Variants in LUZP2 observed in about 807,000 individuals in gnomAD.
The protein encoded by LUZP2 is leucine zipper protein 2.
LUZP2 carries 52 observed loss-of-function variants against 51.6 expected under a neutral mutation model. The ratio of observed to expected loss-of-function variants is 1.01; its 90% CI spans 0.81 to 1.27. LUZP2 has a LOEUF of 1.27. Ranked by LOEUF, LUZP2 falls within the 50% of genes most tolerant of loss-of-function variation. The pLI, the probability that LUZP2 is intolerant of heterozygous loss-of-function variation, is 0.00. For missense variants in LUZP2, 436 were observed against 395.4 expected (o/e 1.10, Z -0.87); for synonymous variants, 154 against 137.3 (o/e 1.12, Z -0.85).
chr11:24,676,347 C>T (rs964320380), intron 1 of LUZP2, among the ~76,000 whole-genome samples: 4 of 152,050 alleles, frequency 2.6e-5, no homozygotes, highest in African/African-American at 4.8e-5. Flanking sequence ...AATATATACA[C>T]GGTTAATTGA....
At chr11:24,733,086 A>G (rs1047251791) in intron 3 of LUZP2, among the ~76,000 whole-genome samples, 22 of 151,932 alleles carry the variant, frequency 1.4e-4, no homozygotes, top group East Asian at 1.9e-4. Flanking sequence ...TCATCAGCCT[A>G]TATGTCCTCC....
At chr11:24,678,902 T>A (rs1481293938) in intron 1 of LUZP2, among the ~76,000 whole-genome samples, 1 of 152,230 alleles carries the variant, frequency 6.6e-6, no homozygotes, top group Non-Finnish European at 1.5e-5. Flanking sequence ...AAATAAGATA[T>A]AGTGCTGCGT....
At position 24,601,990 on chromosome 11, in the gene LUZP2, GTA is replaced by G. The variant is rs1373750200; in HGVS notation, c.62+104691_62+104692del. Among the ~76,000 whole-genome samples the G allele has an allele frequency of 5.1e-4, 71 of 138,318 alleles. 15 individuals are homozygous for G. Among genetic ancestry groups the G allele is most frequent in the Middle Eastern group, 4.4e-3 (1 of 226 alleles). 90.7% of individuals were successfully genotyped at this position (138,318 alleles called of 152,430 possible). ...TATATGTGTATATGTATATATATGT[GTA>G]TATATGTATATATATGTATATATGT... is the stretch of plus-strand genomic sequence containing the variant. On this transcript the variant is annotated intron_variant, in intron 1 of 11. Transcript: ENST00000336930.
intron 1 of LUZP2, among the ~76,000 whole-genome samples, chr11:24,689,310 C>G (rs559466165): frequency 6.6e-6 from 1 of 152,274 alleles, no homozygotes; most frequent in East Asian, 1.9e-4. Flanking sequence ...ACAGCATGCA[C>G]AGTGTATTTA....
chr11:24,641,883 T>A (rs916616676), intron 1 of LUZP2, among the ~76,000 whole-genome samples: 2 of 151,930 alleles, frequency 1.3e-5, no homozygotes, highest in African/African-American at 4.9e-5. Context: ...AGTTTTATAA[T>A]CAAATAGAAG....
intron 6 of LUZP2, among the ~76,000 whole-genome samples, chr11:24,912,366 T>A (rs1853660751): frequency 6.6e-6 from 1 of 152,164 alleles, no homozygotes; most frequent in African/African-American, 2.4e-5. Context: ...GTGTTTCCAA[T>A]ATTAGAACCT....
chr11:24,554,467 A>G (rs1851808588), intron 1 of LUZP2, among the ~76,000 whole-genome samples: 1 of 152,112 alleles, frequency 6.6e-6, no homozygotes, highest in East Asian at 1.9e-4. Context: ...TTTAGATTTT[A>G]TAACATAATT....
intron 9 of LUZP2, among the ~76,000 whole-genome samples, chr11:24,999,179 A>G (rs1388163667): frequency 1.3e-5 from 2 of 152,170 alleles, no homozygotes; most frequent in African/African-American, 2.4e-5. Context: ...TTCACTTTCT[A>G]TAGCCTCCAA....
intron 10 of LUZP2, among the ~76,000 whole-genome samples, chr11:25,062,254 G>A (rs1858861108): frequency 6.6e-6 from 1 of 150,920 alleles, no homozygotes; most frequent in African/African-American, 2.4e-5. Context: ...TACAACAATG[G>A]CCAAACAGAT....
chr11:24,884,876 C>A (rs187079759), intron 5 of LUZP2, among the ~76,000 whole-genome samples: 78 of 152,090 alleles, frequency 5.1e-4, no homozygotes, highest in Admixed American at 1.9e-3. Flanking sequence ...CATAGAAAGT[C>A]TTTATAAATG....
chr11:24,534,870 G>A (rs777197394), intron 1 of LUZP2, among the ~76,000 whole-genome samples: 7 of 151,298 alleles, frequency 4.6e-5, no homozygotes, highest in Non-Finnish European at 1.0e-4. Flanking sequence ...GGCAATGCAG[G>A]TCCTTGGTTG....
At chr11:24,864,752 T>C (rs761126355) in intron 5 of LUZP2, among the ~76,000 whole-genome samples, 2 of 152,216 alleles carry the variant, frequency 1.3e-5, no homozygotes, top group Non-Finnish European at 2.9e-5. Flanking sequence ...GTTATGTGAA[T>C]TGATTTATGC....
At chr11:25,028,956 C>G (rs1049689531) in intron 9 of LUZP2, among the ~76,000 whole-genome samples, 1 of 152,092 alleles carries the variant, frequency 6.6e-6, no homozygotes, top group African/African-American at 2.4e-5. Context: ...CTTAAAAGAT[C>G]ATTAAGTGAA....
At chr11:24,936,643 C>T (rs1036187521) in intron 7 of LUZP2, among the ~76,000 whole-genome samples, 1 of 151,910 alleles carries the variant, frequency 6.6e-6, no homozygotes, top group Non-Finnish European at 1.5e-5. Context: ...GACGCCAGCC[C>T]TCTCTCTGTC....
At chr11:24,798,286 T>G (rs1207835169) in intron 5 of LUZP2, among the ~76,000 whole-genome samples, 1 of 152,032 alleles carries the variant, frequency 6.6e-6, no homozygotes, top group African/African-American at 2.4e-5. Flanking sequence ...GGCAAGATCA[T>G]AGCTCACTAC....
At chr11:25,012,011 G>A (rs959661968) in intron 9 of LUZP2, among the ~76,000 whole-genome samples, 4 of 152,110 alleles carry the variant, frequency 2.6e-5, no homozygotes, top group Non-Finnish European at 5.9e-5. Flanking sequence ...ACAAAAGGCA[G>A]CATTCCCTAC....
intron 7 of LUZP2, among the ~76,000 whole-genome samples, chr11:24,959,527 G>A (rs993312668): frequency 1.2e-4 from 19 of 152,142 alleles, no homozygotes; most frequent in Middle Eastern, 3.4e-3. Flanking sequence ...ATTGTGAATG[G>A]GAGTTCACTC....
At chr11:25,038,983 G>A (rs1361267941) in intron 9 of LUZP2, among the ~76,000 whole-genome samples, 1 of 152,156 alleles carries the variant, frequency 6.6e-6, no homozygotes, top group Non-Finnish European at 1.5e-5. Context: ...TGGTTGATAA[G>A]CTCTTAGCCG....
intron 5 of LUZP2, among the ~76,000 whole-genome samples, chr11:24,825,470 G>A: frequency 6.6e-6 from 1 of 151,890 alleles, no homozygotes; most frequent in East Asian, 1.9e-4. Context: ...ATTTAATCTG[G>A]TCTTCAGTGT....
Sources: gnomAD v4.1 joint callset for allele counts (sites outside exome capture counted in the v4.1 genomes callset) on GRCh38, gnomAD v4.1.1 for gene constraint, MANE v1.5 for transcripts, NCBI Gene and HGNC (gene_info 2026-07-23, HGNC 2026-07-21) for gene names.